Variants in STPG2 observed in about 807,000 individuals in gnomAD.
STPG2 encodes sperm tail PG-rich repeat containing 2, also known as sperm-tail PG-rich repeat-containing protein 2.
Under a neutral mutation model 54.2 loss-of-function variants are expected in STPG2, and 56 were observed. The observed-to-expected ratio is 1.03, with a 90% CI of 0.83 to 1.29. STPG2 has a LOEUF of 1.29. STPG2 is among the 50% of genes most tolerant of loss of function. The pLI, the probability that STPG2 is intolerant of heterozygous loss-of-function variation, is 0.00. For synonymous variants in STPG2, 200 were observed against 181.8 expected, an observed-to-expected ratio of 1.10 and a Z score of -0.81; for missense variants, 596 against 544.9, an observed-to-expected ratio of 1.09 and a Z score of -0.93.
intron 10 of STPG2, among the ~76,000 whole-genome samples, chr4:97,616,050 ACATATAAATATATAT>A (rs1733856341): frequency 6.2e-5 from 5 of 80,636 alleles, no homozygotes; most frequent in African/African-American, 2.5e-4. Context: ...AAAAAAAAAT[ACATATAAATATATAT>A]ATATATATAT....
At chr4:97,999,795 C>T (rs1424909801) in intron 5 of STPG2, among the ~76,000 whole-genome samples, 1 of 152,108 alleles carries the variant, frequency 6.6e-6, no homozygotes, top group African/African-American at 2.4e-5. Context: ...GGGCAGGTGT[C>T]ATATAGACAA....
At chr4:97,552,432 T>C (rs1731985517) in intron 4 of STPG2, among the ~76,000 whole-genome samples, 1 of 152,074 alleles carries the variant, frequency 6.6e-6, no homozygotes, top group Non-Finnish European at 1.5e-5. Context: ...TTCTAGCTAA[T>C]TGGTGCTCAC....
intron 4 of STPG2, among the ~76,000 whole-genome samples, chr4:97,482,979 G>C (rs544580960): frequency 1.3e-5 from 2 of 151,646 alleles, no homozygotes; most frequent in South Asian, 4.1e-4. Context: ...ATGAAGAAAA[G>C]ATACAGTCTT....
At chr4:97,853,401 A>T (rs961669839) in intron 8 of STPG2, among the ~76,000 whole-genome samples, 1 of 152,254 alleles carries the variant, frequency 6.6e-6, no homozygotes, top group African/African-American at 2.4e-5. Context: ...CATTCTGCAC[A>T]TGTATCCCAG....
intron 4 of STPG2, among the ~76,000 whole-genome samples, chr4:97,477,614 C>G (rs1049814540): frequency 6.6e-6 from 1 of 150,896 alleles, no homozygotes; most frequent in Non-Finnish European, 1.5e-5. Flanking sequence ...GTAGCTGGGA[C>G]TACAGGCGCC....
Position 97,471,558 on chromosome 4 carries a change from G to A in STPG2, c.462+241141C>T, listed in dbSNP as rs577819624. Among the ~76,000 whole-genome samples, 4 of 152,136 alleles carry A rather than the reference G, an allele frequency of 2.6e-5. 1 individual carries two copies. Among genetic ancestry groups the A allele is most frequent in the Admixed American group, 6.6e-5 (1 of 15,256 alleles). ...AGCAAAATACTGAAATACTTCTCTG[G>A]AGATCCATAGATATTCTGAGAAGGT... On this transcript the variant is annotated intron_variant, in intron 4 of 4. Transcript: ENST00000522676.
chr4:97,831,668 T>C (rs1728468391), intron 9 of STPG2, among the ~76,000 whole-genome samples: 1 of 151,870 alleles, frequency 6.6e-6, no homozygotes, highest in Non-Finnish European at 1.5e-5. Flanking sequence ...ATACATGCAA[T>C]AAAAAATGAT....
chr4:97,743,397 C>T (rs1018018553), intron 9 of STPG2, among the ~76,000 whole-genome samples: 6 of 151,688 alleles, frequency 4.0e-5, no homozygotes, highest in Non-Finnish European at 8.9e-5. Context: ...CATTCTTTCA[C>T]TTACATAGAC....
chr4:97,693,263 G>C (rs897700630), intron 10 of STPG2, among the ~76,000 whole-genome samples: 3 of 151,948 alleles, frequency 2.0e-5, no homozygotes, highest in African/African-American at 7.2e-5. Context: ...CAGAATGGCA[G>C]AATGAGTAAG....
intron 8 of STPG2, among the ~76,000 whole-genome samples, chr4:97,874,243 T>C (rs1183222066): frequency 1.3e-5 from 2 of 151,718 alleles, no homozygotes; most frequent in Non-Finnish European, 3.0e-5. Flanking sequence ...GGTTGACTAT[T>C]CATGTTCATT....
chr4:97,777,609 C>A (rs1236542813), intron 9 of STPG2, among the ~76,000 whole-genome samples: 2 of 152,180 alleles, frequency 1.3e-5, no homozygotes, highest in Non-Finnish European at 2.9e-5. Context: ...CAGTTTCTTA[C>A]CTTCTTATTT....
chr4:97,945,573 C>G (rs886399767), intron 7 of STPG2, among the ~76,000 whole-genome samples: 1 of 151,946 alleles, frequency 6.6e-6, no homozygotes, highest in Non-Finnish European at 1.5e-5. Context: ...TGGGTAAATA[C>G]CCAGTAGTGG....
At chr4:98,001,380 T>C (rs893573804) in intron 5 of STPG2, among the ~76,000 whole-genome samples, 4 of 151,766 alleles carry the variant, frequency 2.6e-5, no homozygotes, top group African/African-American at 9.7e-5. Flanking sequence ...AATGGTGCTA[T>C]GTAAATGTTC....
intron 9 of STPG2, among the ~76,000 whole-genome samples, chr4:97,736,526 G>A (rs908859672): frequency 1.2e-4 from 19 of 152,146 alleles, no homozygotes; most frequent in African/African-American, 3.6e-4. Flanking sequence ...CTTTTCCAAC[G>A]GGCTTAAAAA....
intron 7 of STPG2, among the ~76,000 whole-genome samples, chr4:97,965,289 G>T (rs981060495): frequency 6.6e-6 from 1 of 152,176 alleles, no homozygotes; most frequent in Non-Finnish European, 1.5e-5. Context: ...GCCAGGGGGA[G>T]GGGTGTCTGC....
intron 9 of STPG2, among the ~76,000 whole-genome samples, chr4:97,781,132 A>G (rs1726593645): frequency 1.3e-5 from 2 of 152,158 alleles, no homozygotes; most frequent in Non-Finnish European, 2.9e-5. Context: ...CAAAAAAATC[A>G]ATGAATCCAG....
chr4:97,722,297 C>G (rs1724474731), intron 9 of STPG2, among the ~76,000 whole-genome samples: 1 of 150,780 alleles, frequency 6.6e-6, no homozygotes, highest in Admixed American at 6.6e-5. Flanking sequence ...TTTGCTTAAG[C>G]CTGGAGGGGA....
intron 8 of STPG2, among the ~76,000 whole-genome samples, chr4:97,907,415 T>A (rs1427881570): frequency 3.3e-5 from 5 of 152,168 alleles, no homozygotes; most frequent in Admixed American, 1.3e-4. Flanking sequence ...GTAGGAAGAA[T>A]CAATATTGTG....
chr4:98,085,088 A>C (rs973411568), intron 5 of STPG2, among the ~76,000 whole-genome samples: 1 of 151,894 alleles, frequency 6.6e-6, no homozygotes, highest in Non-Finnish European at 1.5e-5. Context: ...TAGATCTATG[A>C]CCCATTTTGA....
Sources: gnomAD v4.1 joint callset for allele counts (sites outside exome capture counted in the v4.1 genomes callset) on GRCh38, gnomAD v4.1.1 for gene constraint, MANE v1.5 for transcripts, NCBI Gene and HGNC (gene_info 2026-07-23, HGNC 2026-07-21) for gene names.